Variants in AGTPBP1 observed in about 807,000 individuals in gnomAD.
The protein encoded by AGTPBP1 is ATP/GTP binding carboxypeptidase 1.
AGTPBP1 carries 70 observed loss-of-function variants against 143.9 expected under a neutral mutation model. The observed-to-expected ratio is 0.49, with a 90% confidence interval of 0.40 to 0.59. The LOEUF (loss-of-function observed/expected upper bound fraction) is 0.59. Ranked by LOEUF, AGTPBP1 falls within the 20% of genes least tolerant of loss-of-function variation. The pLI is 0.00. For synonymous variants in AGTPBP1, 463 were observed against 500.2 expected (o/e 0.93, Z 0.99); for missense variants, 1,229 against 1,464.5 (o/e 0.84, Z 2.62).
the AGTPBP1 span, among the ~76,000 whole-genome samples, chr9:85,763,889 A>G: frequency 6.6e-6 from 1 of 152,212 alleles, no homozygotes; most frequent in African/African-American, 2.4e-5. Flanking sequence ...GTATATACAA[A>G]TAATTACTGT....
chr9:85,599,091 G>A (rs1012809546), intron 17 of AGTPBP1, among the ~76,000 whole-genome samples: 2 of 145,744 alleles, frequency 1.4e-5, no homozygotes, highest in African/African-American at 5.1e-5. Context: ...TCGTCCATTC[G>A]TTTTCAACCT....
the AGTPBP1 span, chr9:85,786,076 T>A: frequency 6.9e-7 from 1 of 1,444,980 alleles, no homozygotes; most frequent in Admixed American, 2.1e-5. Flanking sequence ...AATATCTAAT[T>A]TTTTGGTTTG....
At position 85,646,369 on chromosome 9, in the gene AGTPBP1, T is replaced by G. The variant is rs1453134440; in HGVS notation, c.1137A>C (p.Glu379Asp). 1.2e-6 allele frequency: 2 copies of G among 1,613,222 alleles called. No individual in the cohort carries two copies. The highest frequency in any genetic ancestry group is 2.2e-5 in the South Asian group (2 of 91,064). ...ESDDNDDIDV[E>D]AENETENEDD... ...CTTCATTCTCAGTTTCGTTTTCAGC[T>G]TCTACATCAATATCATCGTTGTCAT... is the stretch of plus-strand genomic sequence containing the variant. The change falls in exon 12 of 26, where the codon GAA (glutamate) becomes GAC (aspartate). Residue 379 changes from glutamate to aspartate, a missense_variant. This residue lies in a region of AGTPBP1 where 743 missense variants were observed against 812.2 expected (regional missense o/e 0.91). Coordinates refer to ENST00000357081, the MANE Select transcript of AGTPBP1 (RefSeq NM_001330701.2).
At chr9:85,722,153 G>C (rs1008067885) in intron 1 of AGTPBP1, among the ~76,000 whole-genome samples, 2 of 152,058 alleles carry the variant, frequency 1.3e-5, no homozygotes, top group African/African-American at 4.8e-5. Flanking sequence ...GTGTCTTGGG[G>C]TTGCTCTTCT....
At chr9:85,722,968 T>TC (rs201125621) in intron 1 of AGTPBP1, among the ~76,000 whole-genome samples, 2,257 of 152,270 alleles carry the variant, frequency 0.015, 25 homozygotes, top group Middle Eastern at 0.037. Context: ...GGAGGTCCAC[T>TC]CCAGACCCTG....
chr9:85,800,536 T>G, the AGTPBP1 span, among the ~76,000 whole-genome samples: 1 of 152,194 alleles, frequency 6.6e-6, no homozygotes, highest in South Asian at 2.1e-4. Context: ...TGTTTGCTTT[T>G]TCTTTATAGA....
intron 13 of AGTPBP1, among the ~76,000 whole-genome samples, chr9:85,641,041 T>A (rs1832429509): frequency 6.6e-6 from 1 of 152,186 alleles, no homozygotes; most frequent in African/African-American, 2.4e-5. Context: ...ACTCTTCCTT[T>A]GTCCAACGTA....
the AGTPBP1 span, chr9:85,805,397 C>CCGCCCCGG: frequency 6.6e-6 from 1 of 152,430 alleles, no homozygotes; most frequent in Non-Finnish European, 1.5e-5. Flanking sequence ...CCGCCGCAGT[C>CCGCCCCGG]CGCCCCGGCG....
rs1834908189 is a variant in AGTPBP1, at chr9:85,677,549, T to G, written c.323A>C (p.Lys108Thr). The change falls in exon 6 of 26, where the codon AAA (lysine) becomes ACA (threonine). Residue 108 changes from lysine (K) to threonine (T), a missense_variant. Around this residue, in one of 2 missense-constraint regions of AGTPBP1, gnomAD observed 743 missense variants for 812.2 expected, o/e 0.91. Coordinates refer to ENST00000357081, the MANE Select transcript of AGTPBP1 (RefSeq NM_001330701.2). ...GGRRVSFLVT[K>T]GGSQILLQLL... Reference sequence around the variant, plus strand: ...CTGCAACAATATTTGTGAACCACCTTTGGTGACTAAGAAACTCACTCTTCG... The same window carrying G: ...CTGCAACAATATTTGTGAACCACCTGTGGTGACTAAGAAACTCACTCTTCG... 1.6e-5 allele frequency: 25 copies of G among 1,583,628 alleles called. No individual in the cohort carries two copies. Among genetic ancestry groups the G allele is most frequent in the Non-Finnish European group, 2.1e-5 (25 of 1,167,932 alleles).
chr9:85,629,829 G>A (rs774719240), intron 14 of AGTPBP1, among the ~76,000 whole-genome samples: 1 of 152,106 alleles, frequency 6.6e-6, no homozygotes, highest in Non-Finnish European at 1.5e-5. Context: ...CTAAATAAGT[G>A]TCTTGACCGA....
At chr9:85,768,927 T>G in the AGTPBP1 span, among the ~76,000 whole-genome samples, 1 of 150,752 alleles carries the variant, frequency 6.6e-6, no homozygotes, top group Non-Finnish European at 1.5e-5. Flanking sequence ...CATGCACCTG[T>G]AATCCCAGTT....
chr9:85,772,449 G>A, the AGTPBP1 span, among the ~76,000 whole-genome samples: 3 of 152,274 alleles, frequency 2.0e-5, no homozygotes, highest in South Asian at 6.2e-4. Context: ...GAATCCAGTA[G>A]ACAAAATGCA....
intron 9 of AGTPBP1, among the ~76,000 whole-genome samples, chr9:85,660,260 C>A (rs970408730): frequency 6.6e-6 from 1 of 151,924 alleles, no homozygotes; most frequent in Non-Finnish European, 1.5e-5. Context: ...CCAAATGTTA[C>A]CGTGATTAAA....
chr9:85,668,967 ATGTGTGTGTGTGTGTGTG>A (rs539493558), intron 8 of AGTPBP1, among the ~76,000 whole-genome samples: 8 of 114,438 alleles, frequency 7.0e-5, no homozygotes, highest in East Asian at 5.1e-4. Context: ...ACATACATAC[ATGTGTGTGTGTGTGTGTG>A]TGTGTGTGTG....
At chr9:85,741,989 G>A, upstream of AGTPBP1, 2 of 1,221,072 alleles carry the variant, frequency 1.6e-6, no homozygotes, top group Non-Finnish European at 2.0e-6. Flanking sequence ...GCGGCGCCCC[G>A]CCCACCGCAC....
chr9:85,702,816 C>T (rs1836756537), intron 2 of AGTPBP1, among the ~76,000 whole-genome samples: 1 of 152,080 alleles, frequency 6.6e-6, no homozygotes. Flanking sequence ...TGGCTCTCTC[C>T]TTTGCTGCCA....
chr9:85,770,187 T>C, the AGTPBP1 span: 2 of 778,532 alleles, frequency 2.6e-6, no homozygotes, highest in Non-Finnish European at 4.1e-6. Context: ...AGAGTGGTAA[T>C]ATCCATTAGA....
intron 2 of AGTPBP1, among the ~76,000 whole-genome samples, chr9:85,706,054 A>G (rs1472496188): frequency 6.6e-6 from 1 of 152,032 alleles, no homozygotes; most frequent in Non-Finnish European, 1.5e-5. Flanking sequence ...TGATAAGTAT[A>G]CTAGATGTAT....
At chr9:85,624,956 A>G (rs1489011889) in intron 14 of AGTPBP1, among the ~76,000 whole-genome samples, 2 of 152,232 alleles carry the variant, frequency 1.3e-5, no homozygotes, top group South Asian at 4.1e-4. Flanking sequence ...CTATCAGGGT[A>G]TAGACAGCTT....
Sources: gnomAD v4.1 joint callset for allele counts (sites outside exome capture counted in the v4.1 genomes callset) on GRCh38, gnomAD v4.1.1 for gene constraint, gnomAD v4.1.1 regional missense constraint, MANE v1.5 for transcripts, NCBI Gene and HGNC (gene_info 2026-07-23, HGNC 2026-07-21) for gene names.